PLSCR4: variants seen among roughly 807,000 people sequenced by gnomAD.
PLSCR4 encodes phospholipid scramblase 4.
Under a neutral mutation model 36.3 loss-of-function variants are expected in PLSCR4, and 25 were observed. The ratio of observed to expected loss-of-function variants is 0.69; its 90% confidence interval spans 0.50 to 0.96. The LOEUF is 0.96. Among genes scored for constraint, PLSCR4 ranks in the 40% least tolerant of loss-of-function variants. The pLI is 0.00. For synonymous variants in PLSCR4, 122 were observed against 132.9 expected, an observed-to-expected ratio of 0.92 and a Z score of 0.56; for missense variants, 408 against 414.7, an observed-to-expected ratio of 0.98 and a Z score of 0.14.
chr3:146,207,467 T>G (rs952596868), intron 3 of PLSCR4, among the ~76,000 whole-genome samples: 1 of 152,130 alleles, frequency 6.6e-6, no homozygotes, highest in Non-Finnish European at 1.5e-5. Context: ...AATGTTAGCA[T>G]GGTCAAACCT....
intron 1 of PLSCR4, among the ~76,000 whole-genome samples, chr3:146,230,069 G>C (rs79962937): frequency 6.6e-6 from 1 of 152,148 alleles, no homozygotes. Flanking sequence ...GAGTGGCCTG[G>C]AAATCCTCAA....
intron 1 of PLSCR4, among the ~76,000 whole-genome samples, chr3:146,248,782 A>G (rs1327888081): frequency 2.6e-5 from 4 of 152,188 alleles, no homozygotes; most frequent in Admixed American, 6.5e-5. Context: ...AAGTAAATGA[A>G]CATTTGTAAA....
At chr3:146,210,511 A>C (rs552272204) in intron 3 of PLSCR4, among the ~76,000 whole-genome samples, 1 of 152,252 alleles carries the variant, frequency 6.6e-6, no homozygotes, top group African/African-American at 2.4e-5. Flanking sequence ...CTTCAAGATA[A>C]TCTGGAGTTC....
At chr3:146,216,194 G>T (rs1253502366) in intron 3 of PLSCR4, among the ~76,000 whole-genome samples, 1 of 152,122 alleles carries the variant, frequency 6.6e-6, no homozygotes, top group African/African-American at 2.4e-5. Flanking sequence ...TTGCATCACT[G>T]TACTCCAGCC....
At chr3:146,226,427 T>G (rs1419381035) in intron 1 of PLSCR4, among the ~76,000 whole-genome samples, 1 of 152,204 alleles carries the variant, frequency 6.6e-6, no homozygotes, top group Non-Finnish European at 1.5e-5. Flanking sequence ...TTACAACAGA[T>G]TATTTAATGT....
intron 1 of PLSCR4, among the ~76,000 whole-genome samples, chr3:146,246,808 T>G (rs1191891272): frequency 6.6e-6 from 1 of 152,140 alleles, no homozygotes; most frequent in African/African-American, 2.4e-5. Flanking sequence ...AAACAGACTT[T>G]TAAAAAACAG....
chr3:146,212,898 T>C (rs1021214373), intron 3 of PLSCR4, among the ~76,000 whole-genome samples: 1 of 152,172 alleles, frequency 6.6e-6, no homozygotes, highest in Non-Finnish European at 1.5e-5. Context: ...CTCCTATTTC[T>C]AGTTTCTTAA....
At chr3:146,210,328 G>C (rs1365130418) in intron 3 of PLSCR4, among the ~76,000 whole-genome samples, 1 of 151,980 alleles carries the variant, frequency 6.6e-6, no homozygotes, top group East Asian at 1.9e-4. Context: ...TATGAGCAGG[G>C]AATACCAGCT....
At chr3:146,229,449 G>A (rs983075314) in intron 1 of PLSCR4, among the ~76,000 whole-genome samples, 5 of 151,776 alleles carry the variant, frequency 3.3e-5, no homozygotes, top group Non-Finnish European at 5.9e-5. Flanking sequence ...TTCCTGGTTG[G>A]TAAACACATC....
At chr3:146,246,758 T>C (rs2036353469) in intron 1 of PLSCR4, among the ~76,000 whole-genome samples, 1 of 152,184 alleles carries the variant, frequency 6.6e-6, no homozygotes, top group Non-Finnish European at 1.5e-5. Flanking sequence ...TCATGTTGCA[T>C]ACAGTTAAGT....
chr3:146,242,724 G>A (rs36003152), intron 1 of PLSCR4, among the ~76,000 whole-genome samples: 4,837 of 152,240 alleles, frequency 0.032, 121 homozygotes, highest in South Asian at 0.063. Flanking sequence ...TGCTTTTCGA[G>A]ACGAATGGGA....
intron 4 of PLSCR4, among the ~76,000 whole-genome samples, chr3:146,205,723 G>A (rs942745199): frequency 4.6e-5 from 7 of 152,042 alleles, no homozygotes; most frequent in African/African-American, 1.7e-4. Context: ...TAAAATTTAT[G>A]AATGGTTTAT....
At chr3:146,221,902 A>T (rs2035162230) in intron 2 of PLSCR4, among the ~76,000 whole-genome samples, 163 bp downstream of exon 2, 3 of 152,038 alleles carry the variant, frequency 2.0e-5, no homozygotes, top group African/African-American at 7.2e-5. Context: ...ATACATAAAT[A>T]ACAAATATAT....
intron 1 of PLSCR4, among the ~76,000 whole-genome samples, chr3:146,225,737 G>A (rs1175555012): frequency 6.6e-6 from 1 of 152,170 alleles, no homozygotes; most frequent in African/African-American, 2.4e-5. Flanking sequence ...TGTGGGGCCC[G>A]CCAAGCCGAC....
chr3:146,241,359 A>T (rs574847123), intron 1 of PLSCR4, among the ~76,000 whole-genome samples: 1 of 152,306 alleles, frequency 6.6e-6, no homozygotes, highest in East Asian at 1.9e-4. Context: ...ACAGAGAAAA[A>T]GAAAGCTGGA....
intron 3 of PLSCR4, among the ~76,000 whole-genome samples, chr3:146,217,341 G>A (rs1379012941): frequency 6.6e-6 from 1 of 152,178 alleles, no homozygotes; most frequent in African/African-American, 2.4e-5. Context: ...AGGTTTTACA[G>A]GCAAACGGAC....
At chr3:146,196,241 T>A (rs1201725119) in intron 7 of PLSCR4, among the ~76,000 whole-genome samples, 1 of 152,114 alleles carries the variant, frequency 6.6e-6, no homozygotes, top group Admixed American at 6.6e-5. Flanking sequence ...AAGGAGTACT[T>A]GGTATGTTCT....
intron 1 of PLSCR4, among the ~76,000 whole-genome samples, chr3:146,226,279 T>G (rs1398530): frequency 0.37 from 55,709 of 151,988 alleles, 10,326 homozygotes; most frequent in African/African-American, 0.42. Flanking sequence ...TTATATGCAT[T>G]GCATTATTTC....
intron 1 of PLSCR4, among the ~76,000 whole-genome samples, chr3:146,235,873 C>T (rs1481066411): frequency 6.6e-6 from 1 of 152,102 alleles, no homozygotes; most frequent in Non-Finnish European, 1.5e-5. Context: ...GCACTGTGCC[C>T]CTGCCCTAGA....
Sources: allele counts gnomAD v4.1 joint callset (sites outside exome capture counted in the v4.1 genomes callset), GRCh38; gene constraint gnomAD v4.1.1; transcripts MANE v1.5; gene names NCBI Gene and HGNC (gene_info 2026-07-23, HGNC 2026-07-21).